The following SPOCK3 variants were observed in gnomAD, a reference collection of about 807,000 sequenced individuals.
SPOCK3 encodes the protein testican-3.
In SPOCK3, 30 loss-of-function variants were observed where a neutral mutation model predicts 56.6. The observed-to-expected ratio is 0.53, with a 90% CI of 0.40 to 0.72. The LOEUF (loss-of-function observed/expected upper bound fraction) is 0.72. Among genes scored for constraint, SPOCK3 ranks in the 30% least tolerant of loss-of-function variants. SPOCK3 has a pLI of 0.00. For missense variants in SPOCK3, 527 were observed against 530.0 expected, an observed-to-expected ratio of 0.99 and a Z score of 0.06; for synonymous variants, 196 against 183.3, an observed-to-expected ratio of 1.07 and a Z score of -0.56.
chr4:167,066,047 C>G (rs1191199191), intron 2 of SPOCK3, among the ~76,000 whole-genome samples: 2 of 151,852 alleles, frequency 1.3e-5, no homozygotes, highest in African/African-American at 4.8e-5. Flanking sequence ...CTTGTACTTA[C>G]AGAAATAATA....
chr4:167,037,257 G>A (rs1005783515), intron 3 of SPOCK3, among the ~76,000 whole-genome samples: 1 of 152,120 alleles, frequency 6.6e-6, no homozygotes, highest in African/African-American at 2.4e-5. Flanking sequence ...GCCGAGACGG[G>A]TGAATCACAA....
intron 2 of SPOCK3, among the ~76,000 whole-genome samples, chr4:167,226,815 C>A (rs1462813838): frequency 2.0e-5 from 3 of 151,978 alleles, no homozygotes; most frequent in Non-Finnish European, 4.4e-5. Context: ...ACCCTGAAAG[C>A]CCAGGCCTGG....
intron 4 of SPOCK3, among the ~76,000 whole-genome samples, chr4:166,964,775 A>T (rs1744526000): frequency 6.6e-6 from 1 of 151,904 alleles, no homozygotes; most frequent in Non-Finnish European, 1.5e-5. Context: ...AACTAAAATT[A>T]AAGAAGTCAA....
chr4:167,199,544 T>A (rs1733308037), intron 2 of SPOCK3, among the ~76,000 whole-genome samples: 3 of 152,100 alleles, frequency 2.0e-5, no homozygotes, highest in African/African-American at 7.2e-5. Context: ...TGACAGCTGC[T>A]GTGAATTCAT....
At chr4:167,075,516 C>A (rs958898380) in intron 2 of SPOCK3, among the ~76,000 whole-genome samples, 11 of 151,844 alleles carry the variant, frequency 7.2e-5, no homozygotes, top group Admixed American at 6.6e-5. Context: ...CGAATTCAAC[C>A]AATAATAAAA....
intron 2 of SPOCK3, among the ~76,000 whole-genome samples, chr4:167,205,119 C>A (rs1733910474): frequency 2.6e-5 from 3 of 115,470 alleles, no homozygotes; most frequent in African/African-American, 3.4e-5. Flanking sequence ...CACTCCATGC[C>A]TGACTGAAAA....
At chr4:167,171,139 C>T (rs538686286) in intron 2 of SPOCK3, among the ~76,000 whole-genome samples, 1 of 152,116 alleles carries the variant, frequency 6.6e-6, no homozygotes, top group South Asian at 2.1e-4. Flanking sequence ...AACACATTTG[C>T]TATGAATAAA....
At chr4:166,749,829 T>G (rs1288759949) in intron 8 of SPOCK3, among the ~76,000 whole-genome samples, 2 of 152,100 alleles carry the variant, frequency 1.3e-5, no homozygotes, top group Non-Finnish European at 2.9e-5. Flanking sequence ...TATACAGACA[T>G]TTAAAATTTT....
intron 6 of SPOCK3, among the ~76,000 whole-genome samples, chr4:166,854,880 T>G (rs1182778285): frequency 6.6e-6 from 1 of 152,184 alleles, no homozygotes; most frequent in African/African-American, 2.4e-5. Context: ...TTCTTTCTAC[T>G]GTTATCACCA....
At chr4:167,189,618 T>TTG (rs756049129) in intron 2 of SPOCK3, among the ~76,000 whole-genome samples, 10 of 144,416 alleles carry the variant, frequency 6.9e-5, no homozygotes, top group Non-Finnish European at 1.2e-4. Context: ...ATAGCTACCA[T>TTG]TGTGTGTGTG....
At chr4:167,131,218 G>A (rs1434339483) in intron 2 of SPOCK3, among the ~76,000 whole-genome samples, 1 of 151,502 alleles carries the variant, frequency 6.6e-6, no homozygotes, top group African/African-American at 2.4e-5. Flanking sequence ...ATCACATTAA[G>A]AATTAAATTA....
intron 2 of SPOCK3, among the ~76,000 whole-genome samples, chr4:167,219,568 T>C (rs1194673223): frequency 6.6e-6 from 1 of 152,172 alleles, no homozygotes; most frequent in African/African-American, 2.4e-5. Flanking sequence ...TTTGGTTCCT[T>C]TCTCATTCCT....
intron 2 of SPOCK3, among the ~76,000 whole-genome samples, chr4:167,211,167 GGA>G (rs1250270208): frequency 6.6e-6 from 1 of 152,084 alleles, no homozygotes; most frequent in Non-Finnish European, 1.5e-5. Flanking sequence ...CTTGGATTTC[GGA>G]CTTGCGTGCG....
chr4:167,062,612 A>T, intron 2 of SPOCK3, 75 bp from the exon 3 acceptor site: 4 of 1,180,730 alleles, frequency 3.4e-6, no homozygotes, highest in Non-Finnish European at 5.0e-6. Flanking sequence ...ATCTAAAATT[A>T]AATATGAAAC....
chr4:167,211,705 A>G (rs890566603), intron 2 of SPOCK3, among the ~76,000 whole-genome samples: 1 of 152,194 alleles, frequency 6.6e-6, no homozygotes, highest in East Asian at 1.9e-4. Flanking sequence ...TCTCAGCCAC[A>G]TGGAACTCTA....
chr4:167,047,379 T>A (rs142621157), intron 3 of SPOCK3, among the ~76,000 whole-genome samples: 1,955 of 152,322 alleles, frequency 0.013, 21 homozygotes, highest in Non-Finnish European at 0.019. Flanking sequence ...TCTAACAACC[T>A]GATGAGGCTA....
chr4:166,765,307 T>C (rs1013356512), intron 7 of SPOCK3, among the ~76,000 whole-genome samples: 1 of 152,252 alleles, frequency 6.6e-6, no homozygotes, highest in African/African-American at 2.4e-5. Context: ...TTCTAGGGTT[T>C]TTATCGTTTT....
intron 4 of SPOCK3, among the ~76,000 whole-genome samples, chr4:166,981,962 G>A (rs1203403622): frequency 7.9e-5 from 12 of 152,320 alleles, no homozygotes; most frequent in East Asian, 5.8e-4. Context: ...GCCAGAGTTC[G>A]GAGAGGGCAG....
chr4:166,734,711 T>C lies in SPOCK3; in HGVS notation c.*210A>G. On this transcript the variant is annotated 3_prime_UTR_variant, in exon 11 of 11. Coordinates refer to ENST00000357545, the MANE Select transcript of SPOCK3 (RefSeq NM_001040159.2). Reference sequence around the variant, plus strand: ...CTGACTAGACTGCATATGTATTTTCTTTTTGTGTAAGGAATATAAAAACTC... The same window carrying C: ...CTGACTAGACTGCATATGTATTTTCCTTTTGTGTAAGGAATATAAAAACTC... 1 of 459,944 alleles carries C rather than the reference T, an allele frequency of 2.2e-6. No individual in the cohort carries two copies. Among genetic ancestry groups the C allele is most frequent in the Non-Finnish European group, 3.8e-6 (1 of 265,336 alleles). The allele number at this position is 459,944 out of a possible 1,614,324, so 28.5% of individuals were successfully genotyped here. A position where few individuals can be genotyped will look rare whatever the true frequency, so the allele number is the denominator to read the frequency against.
Sources: allele counts gnomAD v4.1 joint callset (sites outside exome capture counted in the v4.1 genomes callset), GRCh38; gene constraint gnomAD v4.1.1; transcripts MANE v1.5; gene names NCBI Gene and HGNC (gene_info 2026-07-23, HGNC 2026-07-21).